Variants in DDX31 observed in about 807,000 individuals in gnomAD.
The protein encoded by DDX31 is DEAD-box helicase 31, also known as ATP-dependent DNA helicase DDX31.
A neutral mutation model predicts 91.3 loss-of-function variants in DDX31; 70 were observed. The ratio of observed to expected loss-of-function variants is 0.77; its 90% CI spans 0.63 to 0.94. The LOEUF (loss-of-function observed/expected upper bound fraction) is 0.94. Among genes scored for constraint, DDX31 ranks in the 40% least tolerant of loss-of-function variants. The probability of loss-of-function intolerance (pLI) is 0.00; values close to 1 mark genes in which losing one functional copy is unlikely to be tolerated. For synonymous variants in DDX31, 362 were observed against 350.6 expected (o/e 1.03, Z -0.36); for missense variants, 902 against 925.0 (o/e 0.98, Z 0.32).
intron 14 of DDX31, chr9:132,638,299 C>G: frequency 6.2e-7 from 1 of 1,612,734 alleles, no homozygotes. Flanking sequence ...TTCTTATCAA[C>G]TCGTCAACAT....
chr9:132,643,614 T>C (rs1303861500), intron 13 of DDX31, among the ~76,000 whole-genome samples: 1 of 152,108 alleles, frequency 6.6e-6, no homozygotes, highest in East Asian at 1.9e-4. Flanking sequence ...TATGTGTAAG[T>C]ACTATCATCA....
At chr9:132,609,058 G>A (rs974688775) in intron 19 of DDX31, among the ~76,000 whole-genome samples, 1 of 152,136 alleles carries the variant, frequency 6.6e-6, no homozygotes, top group Non-Finnish European at 1.5e-5. Context: ...AGGCAGGGGT[G>A]GGGGGAGGAT....
chr9:132,595,122 A>G lies in DDX31; in HGVS notation c.1995-10T>C, dbSNP rs766714042. ...CTTATGAAGGTCAGGCCTGAAGAACAGTAACAGCAGAGAGGGAAAAGAAAC... is the reference window on the plus strand; with the variant it reads ...CTTATGAAGGTCAGGCCTGAAGAACGGTAACAGCAGAGAGGGAAAAGAAAC... On this transcript the variant is annotated splice_polypyrimidine_tract_variant and intron_variant, in intron 19 of 19. Coordinates refer to ENST00000372159, the MANE Select transcript of DDX31 (RefSeq NM_022779.9). This position sits in a 1 kb window ranked among gnomAD's most constrained non-coding sequence, Gnocchi z 4.6. 6.2e-7 allele frequency: 1 copy of G among 1,606,700 alleles called. No individual in the cohort carries two copies. The highest frequency in any genetic ancestry group is 1.7e-5 in the Admixed American group (1 of 59,030).
At chr9:132,653,162 A>C (rs1834322903) in intron 6 of DDX31, among the ~76,000 whole-genome samples, 1 of 152,064 alleles carries the variant, frequency 6.6e-6, no homozygotes, top group African/African-American at 2.4e-5. Flanking sequence ...ATTACAAACA[A>C]GATAATTTTG....
intron 17 of DDX31, among the ~76,000 whole-genome samples, 181 bp from the exon 18 acceptor site, chr9:132,618,622 T>G (rs1034817184): frequency 6.6e-6 from 1 of 151,938 alleles, no homozygotes; most frequent in Admixed American, 6.5e-5. Context: ...CAAGTAAGGA[T>G]GAGGGTGGCT....
In DDX31 at chr9:132,595,495, G is replaced by A. The variant is rs559076806; in HGVS notation, c.1995-383C>T. Among the ~76,000 whole-genome samples the A allele has an allele frequency of 1.1e-4, 17 of 152,288 alleles. No homozygotes were observed. Among genetic ancestry groups the A allele is most frequent in the African/African-American group, 4.1e-4 (17 of 41,554 alleles). ...CAACATGAAGCAGTGAAAGCTCACG[G>A]CAGCTTCCCAGTAACCCCTAAGCAG... On this transcript the variant is annotated intron_variant, in intron 19 of 19. Coordinates refer to ENST00000372159, the MANE Select transcript of DDX31 (RefSeq NM_022779.9). This position sits in a 1 kb window ranked among gnomAD's most constrained non-coding sequence, Gnocchi z 4.6.
intron 7 of DDX31, 132 bp from the exon 8 acceptor site, chr9:132,651,248 C>G: frequency 1.4e-6 from 1 of 732,922 alleles, no homozygotes; most frequent in Non-Finnish European, 2.2e-6. Context: ...ATCCTATACA[C>G]AGAATCTAAT....
Position 132,661,396 on chromosome 9 carries a change from G to A in DDX31, c.409-145C>T, listed in dbSNP as rs1237808022. Reference sequence around the variant, plus strand: ...TCCACCCAGGTGGTGCTCTCTACTTGGGGCGATTCTGCCACCCGCCCTAAC... The same window carrying A: ...TCCACCCAGGTGGTGCTCTCTACTTAGGGCGATTCTGCCACCCGCCCTAAC... On this transcript the variant is annotated intron_variant, in intron 3 of 19. Coordinates refer to ENST00000372159, the MANE Select transcript of DDX31 (RefSeq NM_022779.9). 8.2e-6 allele frequency: 6 copies of A among 728,894 alleles called. No individual in the cohort carries two copies. In the Admixed American group the frequency reaches 1.4e-4, roughly 17 times the overall value. 45.2% of individuals were successfully genotyped at this position (728,894 alleles called of 1,614,324 possible). A position where few individuals can be genotyped will look rare whatever the true frequency, so the allele number is the denominator to read the frequency against.
In DDX31 at chr9:132,655,863, A is replaced by G. The variant is rs150931016; in HGVS notation, c.588+2808T>C. ...TGTTTTGCATAAGAAACATTTACCC[A>G]AAAGAAGAAAAGGATTTGGAATTCA... On this transcript the variant is annotated intron_variant, in intron 6 of 19. Transcript: ENST00000372159. Among the ~76,000 whole-genome samples the G allele has an allele frequency of 5.4e-4, 83 of 152,320 alleles. 1 individual carries two copies. The East Asian group carries it at 0.014, about 26-fold the overall frequency.
chr9:132,647,781 T>C lies in DDX31; in HGVS notation c.967+408A>G, dbSNP rs148000986. 9.0e-4 allele frequency among the ~76,000 whole-genome samples: 137 copies of C among 152,318 alleles called. 3 individuals carry two copies. In the East Asian group the frequency reaches 0.021, roughly 24 times the overall value. ...AAGACAGAGAAGCGCTTCATTGATA[T>C]ATTTTTTAAGTTTAATAGCTCTATA... On this transcript the variant is annotated intron_variant, in intron 11 of 19. Coordinates refer to ENST00000372159, the MANE Select transcript of DDX31 (RefSeq NM_022779.9).
intron 1 of DDX31, chr9:132,669,521 GAGAAGTT>G: frequency 1.5e-6 from 2 of 1,350,166 alleles, no homozygotes; most frequent in Non-Finnish European, 2.0e-6. Context: ...AACTGGCTTA[GAGAAGTT>G]AAGCTTTGGC....
chr9:132,633,210 CATATT>C (rs1292256464), intron 14 of DDX31, among the ~76,000 whole-genome samples: 3 of 152,140 alleles, frequency 2.0e-5, no homozygotes, highest in African/African-American at 7.2e-5. Flanking sequence ...TTTTCAAGGC[CATATT>C]ATATTATACC....
intron 19 of DDX31, among the ~76,000 whole-genome samples, chr9:132,609,778 C>T (rs1411283444): frequency 2.0e-5 from 3 of 152,130 alleles, no homozygotes; most frequent in Non-Finnish European, 4.4e-5. Flanking sequence ...CCTGTCACCA[C>T]GCCTGGCTGA....
At chr9:132,607,720 C>A (rs576289845) in intron 19 of DDX31, among the ~76,000 whole-genome samples, 18 of 152,036 alleles carry the variant, frequency 1.2e-4, no homozygotes, top group African/African-American at 4.1e-4. Flanking sequence ...ACTCTGTCAC[C>A]CACGCTGGAG....
At chr9:132,632,241 TACACACACACACACACACACACACACAC>T (rs57020423) in intron 14 of DDX31, 150 bp from the exon 15 acceptor site, 9 of 94,102 alleles carry the variant, frequency 9.6e-5, no homozygotes, top group Non-Finnish European at 1.5e-4. Flanking sequence ...CCAGTACGTG[TACACACACACACACACACACACACACAC>T]ACACACACAC....
intron 1 of DDX31, chr9:132,669,535 T>C: frequency 7.1e-7 from 1 of 1,407,526 alleles, no homozygotes; most frequent in Non-Finnish European, 9.4e-7. Context: ...AGTTAAGCTT[T>C]GGCCTGGGAC....
intron 6 of DDX31, among the ~76,000 whole-genome samples, chr9:132,657,297 T>C (rs1205621350): frequency 6.6e-6 from 1 of 152,166 alleles, no homozygotes; most frequent in South Asian, 2.1e-4. Flanking sequence ...AAATTTTGCA[T>C]AAAAAAATAC....
intron 9 of DDX31, among the ~76,000 whole-genome samples, chr9:132,649,770 T>A (rs1166456054): frequency 6.6e-6 from 1 of 152,228 alleles, no homozygotes; most frequent in Non-Finnish European, 1.5e-5. Flanking sequence ...ATTTACTTGT[T>A]GCAACGATTT....
chr9:132,594,842 T>C lies in DDX31; in HGVS notation c.*24A>G. 3 of 1,606,862 alleles carry C rather than the reference T, an allele frequency of 1.9e-6. No individual in the cohort carries two copies. In the East Asian group the frequency reaches 6.7e-5, roughly 36 times the overall value. ...CCACTGCCACCCGGGGCTTCCAGGT[T>C]CCACTCGAAGACCCAGAGAGATTTT... On this transcript the variant is annotated 3_prime_UTR_variant, in exon 20 of 20. Transcript: ENST00000372159.
Sources: allele counts gnomAD v4.1 joint callset (sites outside exome capture counted in the v4.1 genomes callset), GRCh38; gene constraint gnomAD v4.1.1; non-coding constraint Gnocchi (gnomAD v3.1); transcripts MANE v1.5; gene names NCBI Gene and HGNC (gene_info 2026-07-23, HGNC 2026-07-21).